The following NRG3 variants were observed in gnomAD, a reference collection of about 807,000 sequenced individuals.
NRG3 encodes pro-neuregulin-3, membrane-bound isoform.
Under a neutral mutation model 66.9 loss-of-function variants are expected in NRG3, and 31 were observed. The ratio of observed to expected loss-of-function variants is 0.46; its 90% CI spans 0.35 to 0.63. The LOEUF (loss-of-function observed/expected upper bound fraction) is 0.63, where lower values mean the gene tolerates loss of function less well. NRG3 is among the 20% of genes least tolerant of loss of function. The probability of loss-of-function intolerance (pLI) is 0.00; values close to 1 mark genes in which losing one functional copy is unlikely to be tolerated. For missense variants in NRG3, 910 were observed against 878.9 expected, an observed-to-expected ratio of 1.04 and a Z score of -0.45; for synonymous variants, 393 against 359.4, an observed-to-expected ratio of 1.09 and a Z score of -1.06.
At chr10:82,774,589 C>CT (rs937446035) in intron 3 of NRG3, among the ~76,000 whole-genome samples, 25 of 151,690 alleles carry the variant, frequency 1.6e-4, no homozygotes, top group Non-Finnish European at 1.2e-4. Context: ...TATGATCCTT[C>CT]TTTTTTATTT....
chr10:82,389,940 G>A (rs1373270155), intron 2 of NRG3, among the ~76,000 whole-genome samples: 1 of 152,138 alleles, frequency 6.6e-6, no homozygotes, highest in Non-Finnish European at 1.5e-5. Context: ...GGCTACTTGG[G>A]CCATTTATTG....
chr10:82,061,070 T>C (rs2133230917), intron 1 of NRG3, among the ~76,000 whole-genome samples: 1 of 152,312 alleles, frequency 6.6e-6, no homozygotes, highest in Admixed American at 6.5e-5. Context: ...TGTAGGTATG[T>C]GATAATCTTT....
chr10:82,133,593 C>G (rs994123639), intron 1 of NRG3, among the ~76,000 whole-genome samples: 18 of 152,118 alleles, frequency 1.2e-4, no homozygotes, highest in Admixed American at 6.6e-5. Flanking sequence ...ACATAATCTC[C>G]TTCTTTTTTA....
chr10:82,937,705 G>C (rs748873156), intron 4 of NRG3, among the ~76,000 whole-genome samples: 2 of 152,174 alleles, frequency 1.3e-5, no homozygotes, highest in Non-Finnish European at 2.9e-5. Context: ...TAGTAACTCG[G>C]CATTCATTTG....
At position 82,425,923 on chromosome 10, in the gene NRG3, G is replaced by A. The variant is rs368145211; in HGVS notation, c.953+67055G>A. 2.6e-5 allele frequency among the ~76,000 whole-genome samples: 4 copies of A among 152,096 alleles called. No homozygotes were observed. In the East Asian group the frequency reaches 7.7e-4, roughly 29 times the overall value. The stretch of plus-strand genomic sequence containing the variant: ...TGTGGTGATAAGCTGCCGTGAGAGG[G>A]GAAGCATTTTACAAACCTGTGATTA... On this transcript the variant is annotated intron_variant, in intron 2 of 8. Coordinates refer to ENST00000372141, the MANE Select transcript of NRG3 (RefSeq NM_001010848.4).
intron 1 of NRG3, among the ~76,000 whole-genome samples, chr10:82,102,901 C>T (rs554022754): frequency 6.6e-6 from 1 of 152,030 alleles, no homozygotes; most frequent in East Asian, 1.9e-4. Flanking sequence ...GAGAAAAAGT[C>T]TACTATATTA....
intron 1 of NRG3, among the ~76,000 whole-genome samples, chr10:81,904,666 C>T (rs1344056045): frequency 2.0e-5 from 3 of 152,096 alleles, no homozygotes; most frequent in Non-Finnish European, 4.4e-5. Context: ...TGGGCCTTTT[C>T]ATTTCTCAGA....
intron 1 of NRG3, among the ~76,000 whole-genome samples, chr10:81,910,153 A>G (rs1193090862): frequency 6.6e-6 from 1 of 152,182 alleles, no homozygotes; most frequent in Non-Finnish European, 1.5e-5. Flanking sequence ...AGAATCCTGT[A>G]GAATCAGTGG....
intron 6 of NRG3, among the ~76,000 whole-genome samples, chr10:82,962,796 G>T (rs1317834788): frequency 6.6e-6 from 1 of 152,070 alleles, no homozygotes; most frequent in African/African-American, 2.4e-5. Context: ...CCGATACCAT[G>T]CCACTGCACT....
chr10:82,411,373 A>C (rs1431905692), intron 2 of NRG3, among the ~76,000 whole-genome samples: 1 of 152,186 alleles, frequency 6.6e-6, no homozygotes, highest in Non-Finnish European at 1.5e-5. Context: ...ACCTTAATTC[A>C]AAACAAGCTC....
intron 2 of NRG3, among the ~76,000 whole-genome samples, chr10:82,654,706 C>A (rs1260703639): frequency 6.6e-6 from 1 of 151,910 alleles, no homozygotes; most frequent in Admixed American, 6.6e-5. Context: ...AAATATGATT[C>A]TTTTTCCAAG....
chr10:81,905,443 C>T (rs933493028), intron 1 of NRG3, among the ~76,000 whole-genome samples: 8 of 152,100 alleles, frequency 5.3e-5, no homozygotes, highest in African/African-American at 1.4e-4. Flanking sequence ...TCTCTATTAC[C>T]GGGCATTTTT....
chr10:81,926,063 T>C (rs1299620856), intron 1 of NRG3, among the ~76,000 whole-genome samples: 2 of 152,184 alleles, frequency 1.3e-5, no homozygotes, highest in Non-Finnish European at 2.9e-5. Flanking sequence ...CTCTATCTTA[T>C]GAATATTTAA....
intron 2 of NRG3, among the ~76,000 whole-genome samples, chr10:82,383,891 C>A (rs1469792689): frequency 1.3e-5 from 2 of 151,654 alleles, no homozygotes; most frequent in Non-Finnish European, 2.9e-5. Flanking sequence ...TTTAATTATC[C>A]TGGTTAAATA....
At chr10:82,588,281 G>T (rs868537773) in intron 2 of NRG3, among the ~76,000 whole-genome samples, 1 of 152,166 alleles carries the variant, frequency 6.6e-6, no homozygotes, top group South Asian at 2.1e-4. Flanking sequence ...TCCTCTTGAT[G>T]ATGAGTGAGT....
At chr10:82,792,976 G>C (rs921542238) in intron 3 of NRG3, among the ~76,000 whole-genome samples, 1 of 151,750 alleles carries the variant, frequency 6.6e-6, no homozygotes, top group Non-Finnish European at 1.5e-5. Flanking sequence ...CCACCACAGA[G>C]GTTTTTTGTT....
intron 2 of NRG3, among the ~76,000 whole-genome samples, chr10:82,541,951 A>AGCATG (rs1317353051): frequency 2.0e-5 from 3 of 152,238 alleles, no homozygotes; most frequent in Admixed American, 2.0e-4. Context: ...GCATGTGCTG[A>AGCATG]GCATGCAGGT....
intron 1 of NRG3, among the ~76,000 whole-genome samples, chr10:82,328,049 AG>A (rs1185755750): frequency 2.0e-5 from 3 of 152,178 alleles, no homozygotes; most frequent in Non-Finnish European, 4.4e-5. Flanking sequence ...TTGCGGGGTT[AG>A]GGCTTCAACT....
chr10:82,616,207 A>G (rs1412143374), intron 2 of NRG3, among the ~76,000 whole-genome samples: 2 of 152,192 alleles, frequency 1.3e-5, no homozygotes, highest in Non-Finnish European at 2.9e-5. Context: ...GCTATTCAGG[A>G]TATCGATTAT....
Sources: gnomAD v4.1 joint callset for allele counts (sites outside exome capture counted in the v4.1 genomes callset) on GRCh38, gnomAD v4.1.1 for gene constraint, MANE v1.5 for transcripts, NCBI Gene and HGNC (gene_info 2026-07-23, HGNC 2026-07-21) for gene names.